The following STK24 variants were observed in gnomAD, a reference collection of about 807,000 sequenced individuals.
STK24 encodes serine/threonine kinase 24, also known as serine/threonine-protein kinase 24.
In STK24, 21 loss-of-function variants were observed where a neutral mutation model predicts 55.6. The ratio of observed to expected loss-of-function variants is 0.38; its 90% CI spans 0.27 to 0.54. The LOEUF is 0.54. Ranked by LOEUF, STK24 falls within the 20% of genes least tolerant of loss-of-function variation. STK24 has a pLI of 0.79. For synonymous variants in STK24, 200 were observed against 215.2 expected, an observed-to-expected ratio of 0.93 and a Z score of 0.62; for missense variants, 383 against 538.4, an observed-to-expected ratio of 0.71 and a Z score of 2.86.
At chr13:98,562,777 G>A (rs142899052) in intron 1 of STK24, among the ~76,000 whole-genome samples, 74 of 151,986 alleles carry the variant, frequency 4.9e-4, no homozygotes, top group African/African-American at 1.7e-3. Flanking sequence ...TTAGCCGGAC[G>A]TGGTGGCGGG....
Position 98,446,217 on chromosome 13 carries a change from G to A in STK24, c.*6956C>T, listed in dbSNP as rs112867870. The A allele has an allele frequency of 7.6e-6, 12 of 1,572,836 alleles. No homozygotes were observed. The highest frequency in any genetic ancestry group is 1.0e-5 in the Non-Finnish European group (12 of 1,143,298). On this transcript the variant is annotated 3_prime_UTR_variant, in exon 11 of 11. Coordinates refer to ENST00000539966, the MANE Select transcript of STK24 (RefSeq NM_001032296.4). ...ACAAATCACACCAGGTAAGTGTCTC[G>A]CACAGGGCAGGTGGCCCTGGGACCT...
Position 98,576,738 on chromosome 13 carries a change from C to A in STK24, c.42+7G>T. The A allele has an allele frequency of 6.8e-7, 1 of 1,460,140 alleles. No individual in the cohort carries two copies. Among genetic ancestry groups the A allele is most frequent in the Non-Finnish European group, 9.0e-7 (1 of 1,110,352 alleles). The allele number at this position is 1,460,140 out of a possible 1,614,324, so 90.4% of individuals were successfully genotyped here. A position where few individuals can be genotyped will look rare whatever the true frequency, so the allele number is the denominator to read the frequency against. ...GCATCCCGGCCCCGCGGCCCGCGCC[C>A]GCCTACCTGCATGCCGGGCAGGCCC... On this transcript the variant is annotated splice_region_variant and intron_variant, in intron 1 of 10. Coordinates refer to ENST00000539966, the MANE Select transcript of STK24 (RefSeq NM_001032296.4).
intron 2 of STK24, among the ~76,000 whole-genome samples, chr13:98,490,846 A>C (rs973155267): frequency 1.3e-5 from 2 of 151,202 alleles, no homozygotes; most frequent in Admixed American, 1.3e-4. Context: ...AAAAAAAAAA[A>C]CAGAACACTG....
chr13:98,447,017 C>T lies in STK24; in HGVS notation c.*6156G>A, dbSNP rs1892888208. On this transcript the variant is annotated 3_prime_UTR_variant, in exon 11 of 11. Transcript: ENST00000539966. ...AAGTGGGGTCCCAACTTCCCTGCGCCCTTACCCTGCACGGTGTTGGCTGAG... is the reference window on the plus strand; with the variant it reads ...AAGTGGGGTCCCAACTTCCCTGCGCTCTTACCCTGCACGGTGTTGGCTGAG... The T allele has an allele frequency of 3.5e-6, 2 of 576,338 alleles. No homozygotes were observed. Among genetic ancestry groups the T allele is most frequent in the Non-Finnish European group, 6.2e-6 (2 of 324,198 alleles). 35.7% of individuals were successfully genotyped at this position (576,338 alleles called of 1,614,324 possible). A position where few individuals can be genotyped will look rare whatever the true frequency, so the allele number is the denominator to read the frequency against.
chr13:98,503,022 G>GTTTTTTTTTTTTTTTTT (rs1396079027), intron 2 of STK24, among the ~76,000 whole-genome samples: 1 of 35,444 alleles, frequency 2.8e-5, no homozygotes, highest in African/African-American at 9.0e-5. Context: ...TACTTTCCAT[G>GTTTTTTTTTTTTTTTTT]TGTTTTTTTT....
At chr13:98,513,717 C>A (rs1196153730) in intron 2 of STK24, among the ~76,000 whole-genome samples, 1 of 152,184 alleles carries the variant, frequency 6.6e-6, no homozygotes, top group African/African-American at 2.4e-5. Context: ...TCCATATGTA[C>A]TAAAATAGTA....
Position 98,458,571 on chromosome 13 carries a change from C to A in STK24, c.1123-1267G>T, listed in dbSNP as rs1411363162. On this transcript the variant is annotated intron_variant, in intron 9 of 10. Transcript: ENST00000539966. ...CACGCCGCCGGCCCCGAGGCGGCCA[C>A]TCGTGTTTGTCTAGGACTCCCAATC... Among the ~76,000 whole-genome samples, 3 of 152,300 alleles carry A rather than the reference C, an allele frequency of 2.0e-5. No homozygotes were observed. The East Asian group carries it at 5.8e-4, about 29-fold the overall frequency.
intron 1 of STK24, among the ~76,000 whole-genome samples, chr13:98,570,277 G>A (rs1215536400): frequency 1.3e-5 from 2 of 152,164 alleles, no homozygotes; most frequent in Admixed American, 6.5e-5. Context: ...AATGGCGGGA[G>A]GTGGAAGCAG....
At chr13:98,533,978 T>C (rs1896645008) in intron 1 of STK24, among the ~76,000 whole-genome samples, 1 of 152,168 alleles carries the variant, frequency 6.6e-6, no homozygotes, top group Non-Finnish European at 1.5e-5. Context: ...TCAGCACAAG[T>C]TAAACAAAGG....
intron 1 of STK24, among the ~76,000 whole-genome samples, chr13:98,563,108 G>A (rs1439531863): frequency 2.0e-5 from 3 of 152,068 alleles, no homozygotes; most frequent in Non-Finnish European, 4.4e-5. Flanking sequence ...AGGAACCAGG[G>A]ATGCCACTTG....
At chr13:98,500,879 T>C (rs1439781064) in intron 2 of STK24, among the ~76,000 whole-genome samples, 6 of 152,156 alleles carry the variant, frequency 3.9e-5, no homozygotes, top group African/African-American at 1.2e-4. Context: ...GCTCACACTT[T>C]TTAATGACAC....
At chr13:98,529,372 C>G (rs187592434) in intron 1 of STK24, among the ~76,000 whole-genome samples, 3 of 152,292 alleles carry the variant, frequency 2.0e-5, no homozygotes, top group Admixed American at 2.0e-4. Context: ...TCCAACTGAT[C>G]CACTTCAAGA....
At chr13:98,564,235 T>C (rs555724604) in intron 1 of STK24, among the ~76,000 whole-genome samples, 2 of 152,162 alleles carry the variant, frequency 1.3e-5, no homozygotes, top group South Asian at 2.1e-4. Context: ...GAAAAGAAAA[T>C]CAATTCTAAC....
chr13:98,565,498 C>T (rs1195031517), intron 1 of STK24, among the ~76,000 whole-genome samples: 1 of 151,730 alleles, frequency 6.6e-6, no homozygotes, highest in Non-Finnish European at 1.5e-5. Context: ...CTGGTGTGGT[C>T]GCGGGTGCCT....
intron 1 of STK24, among the ~76,000 whole-genome samples, chr13:98,543,365 G>A (rs1896940232): frequency 6.6e-6 from 1 of 152,118 alleles, no homozygotes; most frequent in African/African-American, 2.4e-5. Context: ...CCCTCCAGAA[G>A]CACCAAGCAA....
rs371715391 is a variant in STK24, at chr13:98,460,444, G to A, written c.1054-4C>T. Reference sequence around the variant, plus strand: ...GCCTCTTCGGGATGTCTTTCATCTTGGGGGAGAGGGAAAAAAAGGTCATCA... The same window carrying A: ...GCCTCTTCGGGATGTCTTTCATCTTAGGGGAGAGGGAAAAAAAGGTCATCA... On this transcript the variant is annotated splice_polypyrimidine_tract_variant and splice_region_variant and intron_variant, in intron 8 of 10. Transcript: ENST00000539966. The A allele has an allele frequency of 1.5e-4, 248 of 1,611,364 alleles. No homozygotes were observed. The highest frequency in any genetic ancestry group is 2.0e-4 in the Non-Finnish European group (236 of 1,178,502).
chr13:98,460,780 C>G (rs1342578444), intron 8 of STK24, among the ~76,000 whole-genome samples: 1 of 152,104 alleles, frequency 6.6e-6, no homozygotes, highest in Non-Finnish European at 1.5e-5. Flanking sequence ...TGGCTCATGC[C>G]TGTCATTCCA....
intron 2 of STK24, among the ~76,000 whole-genome samples, chr13:98,508,620 A>AG (rs1192962102): frequency 6.6e-6 from 1 of 152,118 alleles, no homozygotes; most frequent in African/African-American, 2.4e-5. Context: ...TGGGAGGAAC[A>AG]GGGGGTATTT....
intron 2 of STK24, among the ~76,000 whole-genome samples, chr13:98,482,537 C>T (rs112104766): frequency 3.0e-4 from 46 of 152,266 alleles, no homozygotes; most frequent in African/African-American, 1.1e-3. Context: ...GGGGTGTGCT[C>T]GGGGGCCCGC....
Sources: gnomAD v4.1 joint callset for allele counts (sites outside exome capture counted in the v4.1 genomes callset) on GRCh38, gnomAD v4.1.1 for gene constraint, MANE v1.5 for transcripts, NCBI Gene and HGNC (gene_info 2026-07-23, HGNC 2026-07-21) for gene names.